DIP2C: variants seen among roughly 807,000 people sequenced by gnomAD.
The protein encoded by DIP2C is disco-interacting protein 2 homolog C.
DIP2C carries 33 observed loss-of-function variants against 192.4 expected under a neutral mutation model. That is an observed-to-expected ratio of 0.17 (90% CI 0.13 to 0.23). The LOEUF (loss-of-function observed/expected upper bound fraction) is 0.23. DIP2C is among the 10% of genes least tolerant of loss of function. The pLI, the probability that DIP2C is intolerant of heterozygous loss-of-function variation, is 1.00. For missense variants in DIP2C, 1,537 were observed against 2,110.1 expected, an observed-to-expected ratio of 0.73 and a Z score of 5.32; for synonymous variants, 979 against 864.1, an observed-to-expected ratio of 1.13 and a Z score of -2.33.
chr10:320,474 C>T (rs1180841627), intron 31 of DIP2C, among the ~76,000 whole-genome samples: 2 of 150,488 alleles, frequency 1.3e-5, no homozygotes, highest in Non-Finnish European at 2.9e-5. Context: ...TGCCATTACA[C>T]TCCAGCCTGG....
rs911255993 is a variant in DIP2C at position 364,663 on chromosome 10, C to T, written c.2269-81G>A. 6.8e-6 allele frequency: 10 copies of T among 1,465,640 alleles called. No individual in the cohort carries two copies. The East Asian group carries it at 9.5e-5, about 14-fold the overall frequency. The allele number at this position is 1,465,640 out of a possible 1,614,324, so 90.8% of individuals were successfully genotyped here. ...CTCGCCGCTACTCCTGGGAGCACGG[C>T]ACCTGCTTTGCTTAAGCTCTGCCTT... On this transcript the variant is annotated intron_variant, in intron 19 of 36. Coordinates refer to ENST00000280886, the MANE Select transcript of DIP2C (RefSeq NM_014974.3).
At chr10:308,267 G>T (rs17159343) in intron 32 of DIP2C, among the ~76,000 whole-genome samples, 1 of 149,834 alleles carries the variant, frequency 6.7e-6, no homozygotes, top group East Asian at 1.9e-4. Context: ...AGCTAGCAGC[G>T]ACGGTCAGCG....
At chr10:436,213 T>G (rs998111665) in intron 4 of DIP2C, among the ~76,000 whole-genome samples, 2 of 152,218 alleles carry the variant, frequency 1.3e-5, no homozygotes, top group African/African-American at 2.4e-5. Context: ...TGACCACAGA[T>G]TCTACCTCCG....
intron 1 of DIP2C, among the ~76,000 whole-genome samples, chr10:567,613 G>A (rs368473228): frequency 1.4e-4 from 22 of 152,280 alleles, no homozygotes; most frequent in Non-Finnish European, 2.2e-4. Flanking sequence ...CTTACAAGCC[G>A]TGAGCACCAG....
At chr10:332,942 G>T (rs895193797) in intron 29 of DIP2C, among the ~76,000 whole-genome samples, 2 of 152,264 alleles carry the variant, frequency 1.3e-5, no homozygotes, top group African/African-American at 4.8e-5. Context: ...TCACTCCGTC[G>T]CCCAGGTTGG....
intron 9 of DIP2C, among the ~76,000 whole-genome samples, chr10:399,768 C>T (rs970054985): frequency 2.0e-5 from 3 of 152,162 alleles, no homozygotes; most frequent in African/African-American, 7.2e-5. Flanking sequence ...GGCTGCTTCA[C>T]ACATGGCGTG....
chr10:584,204 C>T (rs1850838283), intron 1 of DIP2C, among the ~76,000 whole-genome samples: 1 of 152,188 alleles, frequency 6.6e-6, no homozygotes, highest in Non-Finnish European at 1.5e-5. Flanking sequence ...GAAAAATATA[C>T]ACCAATACTC....
At chr10:327,687 C>A (rs1482690013) in intron 30 of DIP2C, among the ~76,000 whole-genome samples, 1 of 152,198 alleles carries the variant, frequency 6.6e-6, no homozygotes, top group African/African-American at 2.4e-5. Flanking sequence ...ACATGTACCA[C>A]CACACCCAGC....
At chr10:310,749 G>T (rs1956533405) in intron 31 of DIP2C, among the ~76,000 whole-genome samples, 1 of 152,134 alleles carries the variant, frequency 6.6e-6, no homozygotes, top group African/African-American at 2.4e-5. Flanking sequence ...ACCATAAATT[G>T]CTTGAAAAAT....
At chr10:658,272 C>G (rs1343472469) in intron 1 of DIP2C, among the ~76,000 whole-genome samples, 5 of 143,864 alleles carry the variant, frequency 3.5e-5, no homozygotes, top group African/African-American at 1.0e-4. Context: ...TGGACCTGCC[C>G]CTGGACCTGC....
intron 1 of DIP2C, among the ~76,000 whole-genome samples, chr10:502,609 A>G (rs915839729): frequency 3.3e-5 from 5 of 152,154 alleles, no homozygotes; most frequent in African/African-American, 4.8e-5. Flanking sequence ...AGGGATCTAC[A>G]AAAGTCAGTC....
intron 1 of DIP2C, among the ~76,000 whole-genome samples, chr10:506,002 G>T (rs958892399): frequency 1.3e-5 from 2 of 152,040 alleles, no homozygotes; most frequent in Non-Finnish European, 2.9e-5. Context: ...GATTAGGAAC[G>T]CAGGTGACAA....
At chr10:594,808 G>A (rs184330096) in intron 1 of DIP2C, among the ~76,000 whole-genome samples, 1 of 152,284 alleles carries the variant, frequency 6.6e-6, no homozygotes, top group Non-Finnish European at 1.5e-5. Context: ...CGACTCTCCG[G>A]GTTCAGATCA....
intron 1 of DIP2C, among the ~76,000 whole-genome samples, chr10:498,873 A>G (rs1845037141): frequency 6.6e-6 from 1 of 152,158 alleles, no homozygotes; most frequent in African/African-American, 2.4e-5. Context: ...AGCTAATTAT[A>G]GATAAAACAA....
chr10:293,758 G>A (rs150080440), intron 32 of DIP2C, among the ~76,000 whole-genome samples: 2 of 152,306 alleles, frequency 1.3e-5, no homozygotes, highest in East Asian at 3.9e-4. Flanking sequence ...CAGGCATCAT[G>A]TTCACACATC....
At chr10:578,404 G>A (rs573100728) in intron 1 of DIP2C, among the ~76,000 whole-genome samples, 2 of 152,308 alleles carry the variant, frequency 1.3e-5, no homozygotes, top group South Asian at 4.1e-4. Flanking sequence ...GATATGGAAA[G>A]CTAGACAGCT....
At chr10:536,983 C>A (rs1165635341) in intron 1 of DIP2C, among the ~76,000 whole-genome samples, 1 of 152,202 alleles carries the variant, frequency 6.6e-6, no homozygotes, top group Admixed American at 6.5e-5. Flanking sequence ...AGAAGATGAA[C>A]AAAAGAAGGT....
intron 5 of DIP2C, among the ~76,000 whole-genome samples, chr10:422,215 C>G (rs1966238974): frequency 6.6e-6 from 1 of 152,210 alleles, no homozygotes; most frequent in Non-Finnish European, 1.5e-5. Flanking sequence ...AAAACATTTA[C>G]TACTGAACCG....
intron 8 of DIP2C, among the ~76,000 whole-genome samples, chr10:411,772 T>C (rs1308360750): frequency 2.6e-5 from 4 of 152,246 alleles, no homozygotes; most frequent in African/African-American, 9.6e-5. Context: ...GACGAGCTTG[T>C]TTCTGACTCA....
Sources: allele counts gnomAD v4.1 joint callset (sites outside exome capture counted in the v4.1 genomes callset), GRCh38; gene constraint gnomAD v4.1.1; transcripts MANE v1.5; gene names NCBI Gene and HGNC (gene_info 2026-07-23, HGNC 2026-07-21).